ZKSCAN5: variants seen among roughly 807,000 people sequenced by gnomAD.
The protein encoded by ZKSCAN5 is zinc finger protein with KRAB and SCAN domains 5.
Under a neutral mutation model 60.0 loss-of-function variants are expected in ZKSCAN5, and 28 were observed. The observed-to-expected ratio is 0.47, with a 90% CI of 0.35 to 0.64. ZKSCAN5 has a LOEUF of 0.64. Ranked by LOEUF, ZKSCAN5 falls within the 30% of genes least tolerant of loss-of-function variation. ZKSCAN5 has a pLI of 0.01. For missense variants in ZKSCAN5, 881 were observed against 1,034.6 expected (o/e 0.85, Z 2.04); for synonymous variants, 361 against 371.2 (o/e 0.97, Z 0.31).
Position 99,506,372 on chromosome 7 carries a change from G to A in ZKSCAN5, c.328G>A (p.Val110Met), listed in dbSNP as rs1229595282. 1 of 1,614,242 alleles carries A rather than the reference G, an allele frequency of 6.2e-7. No individual in the cohort carries two copies. The change falls in exon 2 of 7, where the codon GTG becomes ATG. Residue 110 changes from valine to methionine, a missense_variant. This residue lies in a region of ZKSCAN5 where 53 missense variants were observed against 88.7 expected (regional missense o/e 0.60). Transcript: ENST00000326775. ...CCTGCCTGAAGAGTTCCAGCCCTGG[G>A]TGAGGGAACATCACCCTGAAAGTGG... ...TILPEEFQPW[V>M]REHHPESGEE...
Position 99,506,131 on chromosome 7 carries a change from G to A in ZKSCAN5, c.87G>A (p.Lys29=). ...AGCAGGAAGACCTTTTCATAGTGAA[G>A]GTGGAAGAAGAAGACTGCACCTGGA... ...SQEQEDLFIV[K]VEEEDCTWMQ... is the part of the protein sequence containing the mutation. Residue 29 remains lysine (K), a synonymous_variant, in exon 2 of 7, where the codon AAG becomes AAA. Coordinates refer to ENST00000326775, the MANE Select transcript of ZKSCAN5 (RefSeq NM_145102.4). 1 of 1,614,154 alleles carries A rather than the reference G, an allele frequency of 6.2e-7. No individual in the cohort carries two copies.
At chr7:99,530,031 G>A (rs1801972357) in intron 6 of ZKSCAN5, among the ~76,000 whole-genome samples, 1 of 135,182 alleles carries the variant, frequency 7.4e-6, no homozygotes, top group African/African-American at 2.8e-5. Flanking sequence ...ACCTGCACCC[G>A]GCCTTTTTTT....
At chr7:99,521,624 T>C (rs188206844) in intron 5 of ZKSCAN5, among the ~76,000 whole-genome samples, 79 of 152,288 alleles carry the variant, frequency 5.2e-4, no homozygotes, top group African/African-American at 1.8e-3. Flanking sequence ...CAATTTTTAA[T>C]TACTATTGAT....
At chr7:99,505,395 AG>A in intron 1 of ZKSCAN5, 1 of 146,036 alleles carries the variant, frequency 6.8e-6, no homozygotes, top group African/African-American at 2.6e-5. Flanking sequence ...CCTTGAGGGG[AG>A]GGGGCAGGGG....
rs755938519 is a variant in ZKSCAN5 at position 99,526,155 on chromosome 7, A to C, written c.1115A>C (p.Lys372Thr). The C allele has an allele frequency of 6.2e-7, 1 of 1,614,194 alleles. No homozygotes were observed. The highest frequency in any genetic ancestry group is 8.5e-7 in the Non-Finnish European group (1 of 1,180,028). The change falls in exon 6 of 7, where the codon AAA becomes ACA. Residue 372 changes from lysine (K) to threonine (T), a missense_variant. Physicochemically the swap from Lys to Thr is moderately conservative, Grantham distance 78 (BLOSUM62 -1). This residue lies in a region of ZKSCAN5 where 490 missense variants were observed against 554.5 expected (regional missense o/e 0.88). Coordinates refer to ENST00000326775, the MANE Select transcript of ZKSCAN5 (RefSeq NM_145102.4). Reference sequence around the variant, plus strand: ...CATCGGCGCATCCACACTGGAGAAAAACCGTTTAAGTGCGGAGAATGTGGG... The same window carrying C: ...CATCGGCGCATCCACACTGGAGAAACACCGTTTAAGTGCGGAGAATGTGGG... ...IQHRRIHTGE[K>T]PFKCGECGKS... is the part of the protein sequence containing the mutation.
intron 3 of ZKSCAN5, among the ~76,000 whole-genome samples, chr7:99,515,178 G>A (rs1464325448): frequency 2.0e-5 from 3 of 152,132 alleles, no homozygotes; most frequent in Admixed American, 1.3e-4. Context: ...GCTGAGGTGG[G>A]TGGATCACCT....
chr7:99,507,279 T>C (rs912202593), intron 2 of ZKSCAN5, among the ~76,000 whole-genome samples: 1 of 152,070 alleles, frequency 6.6e-6, no homozygotes, highest in Admixed American at 6.6e-5. Flanking sequence ...CTCTCTGAAA[T>C]TGCATTGTAT....
intron 2 of ZKSCAN5, among the ~76,000 whole-genome samples, chr7:99,507,495 A>G (rs1167859360): frequency 6.8e-6 from 1 of 146,016 alleles, no homozygotes; most frequent in African/African-American, 2.6e-5. Context: ...ATATATGTAT[A>G]TATGTGTATA....
Position 99,526,098 on chromosome 7 carries a change from A to G in ZKSCAN5, c.1058A>G (p.Lys353Arg). 6.2e-7 allele frequency: 1 copy of G among 1,614,198 alleles called. No individual in the cohort carries two copies. Reference protein sequence around the residue: ...ERGHRCSDCGKFFLQASNFIQ... With the variant: ...ERGHRCSDCGRFFLQASNFIQ... ...GGGCACAGATGCAGCGATTGTGGCA[A>G]ATTCTTCCTCCAAGCCTCAAACTTT... The change falls in exon 6 of 7, where the codon AAA becomes AGA. Residue 353 changes from lysine (K) to arginine (R), a missense_variant. Lys to Arg is a conservative substitution (Grantham distance 26). Transcript: ENST00000326775.
intron 2 of ZKSCAN5, among the ~76,000 whole-genome samples, chr7:99,506,714 G>A (rs1462207244): frequency 6.6e-6 from 1 of 152,142 alleles, no homozygotes; most frequent in East Asian, 1.9e-4. Flanking sequence ...ACGGAGTCTC[G>A]CTCTGTCGCC....
In ZKSCAN5 at chr7:99,506,225, G is replaced by A. The variant is rs376515760; in HGVS notation, c.181G>A (p.Ala61Thr). 3 of 1,614,052 alleles carry A rather than the reference G, an allele frequency of 1.9e-6. No individual in the cohort carries two copies. Among genetic ancestry groups the A allele is most frequent in the African/African-American group, 2.7e-5 (2 of 74,900 alleles). ...QRFRHFQYHE[A>T]SGPREALSQL... ...CTTCAGGCACTTCCAGTACCATGAG[G>A]CTTCAGGACCCCGGGAGGCTCTCAG... Residue 61 changes from alanine (A) to threonine (T), a missense_variant, in exon 2 of 7, where the codon GCT becomes ACT. Ala to Thr is a moderately conservative substitution (Grantham distance 58). Around this residue, in one of 5 missense-constraint regions of ZKSCAN5, gnomAD observed 53 missense variants for 88.7 expected, o/e 0.60. Coordinates refer to ENST00000326775, the MANE Select transcript of ZKSCAN5 (RefSeq NM_145102.4).
intron 3 of ZKSCAN5, among the ~76,000 whole-genome samples, chr7:99,517,906 G>C (rs931584139): frequency 6.6e-6 from 1 of 152,172 alleles, no homozygotes; most frequent in Non-Finnish European, 1.5e-5. Flanking sequence ...GCCATCCTGG[G>C]CCACGGGCCG....
In ZKSCAN5 at chr7:99,533,345, A is replaced by C; in HGVS notation, c.*1096A>C. On this transcript the variant is annotated 3_prime_UTR_variant, in exon 7 of 7. Coordinates refer to ENST00000326775, the MANE Select transcript of ZKSCAN5 (RefSeq NM_145102.4). Reference sequence around the variant, plus strand: ...GGAAAGAGGATGACATGTGTGAGAGAGTTCTGAGCCTGTTTGCTAGGGAGA... The same window carrying C: ...GGAAAGAGGATGACATGTGTGAGAGCGTTCTGAGCCTGTTTGCTAGGGAGA... 6 of 620,312 alleles carry C rather than the reference A, an allele frequency of 9.7e-6. No individual in the cohort carries two copies. Among genetic ancestry groups the C allele is most frequent in the Non-Finnish European group, 3.0e-6 (1 of 335,722 alleles). The allele number at this position is 620,312 out of a possible 1,614,324, so 38.4% of individuals were successfully genotyped here.
intron 3 of ZKSCAN5, among the ~76,000 whole-genome samples, chr7:99,514,593 G>A (rs1223490423): frequency 2.7e-5 from 4 of 149,902 alleles, no homozygotes; most frequent in East Asian, 2.0e-4. Flanking sequence ...GCAATGTGGC[G>A]AAAACTCACC....
At position 99,509,773 on chromosome 7, in the gene ZKSCAN5, A is replaced by T. The variant is rs1800936020; in HGVS notation, c.415-2680A>T. Among the ~76,000 whole-genome samples, 4 of 152,026 alleles carry T rather than the reference A, an allele frequency of 2.6e-5. No homozygotes were observed. In the South Asian group the frequency reaches 8.3e-4, roughly 32 times the overall value. Reference sequence around the variant, plus strand: ...AAGCCACTGTGCCCGGCCACAGCATATATTTTTAAAGATTATTTGTATACC... The same window carrying T: ...AAGCCACTGTGCCCGGCCACAGCATTTATTTTTAAAGATTATTTGTATACC... On this transcript the variant is annotated intron_variant, in intron 2 of 6. Transcript: ENST00000326775.
intron 2 of ZKSCAN5, among the ~76,000 whole-genome samples, chr7:99,507,227 T>C (rs1312112160): frequency 6.6e-6 from 1 of 152,110 alleles, no homozygotes; most frequent in East Asian, 1.9e-4. Flanking sequence ...TTTTTTCTTA[T>C]ATCTTGGTTT....
At chr7:99,517,916 G>A (rs1461666672) in intron 3 of ZKSCAN5, among the ~76,000 whole-genome samples, 2 of 152,166 alleles carry the variant, frequency 1.3e-5, no homozygotes, top group Admixed American at 6.5e-5. Flanking sequence ...GCCACGGGCC[G>A]TGGGTTGGGC....
chr7:99,520,394 T>TGTGCTATG, intron 5 of ZKSCAN5, 90 bp downstream of exon 5: 1 of 1,437,764 alleles, frequency 7.0e-7, no homozygotes, highest in Non-Finnish European at 9.3e-7. Context: ...ATGGCATTTA[T>TGTGCTATG]GTTTTATGTG....
intron 3 of ZKSCAN5, among the ~76,000 whole-genome samples, chr7:99,513,306 A>G (rs1294287861): frequency 2.0e-5 from 3 of 151,986 alleles, no homozygotes; most frequent in Non-Finnish European, 4.4e-5. Context: ...TACAACGCAA[A>G]TGATGACAGC....
Sources: allele counts gnomAD v4.1 joint callset (sites outside exome capture counted in the v4.1 genomes callset), GRCh38; gene constraint gnomAD v4.1.1; regional missense constraint gnomAD v4.1.1; transcripts MANE v1.5; gene names NCBI Gene and HGNC (gene_info 2026-07-23, HGNC 2026-07-21).